Variants in CSMD1 observed in about 807,000 individuals in gnomAD.
The protein encoded by CSMD1 is CUB and Sushi multiple domains 1, also known as CUB and sushi domain-containing protein 1.
CSMD1 carries 213 observed loss-of-function variants against 417.5 expected under a neutral mutation model. The observed-to-expected ratio is 0.51, with a 90% CI of 0.46 to 0.57. The LOEUF is 0.57. Ranked by LOEUF, CSMD1 falls within the 20% of genes least tolerant of loss-of-function variation. The pLI, the probability that CSMD1 is intolerant of heterozygous loss-of-function variation, is 0.00. For missense variants in CSMD1, 6,923 were observed against 4,529.7 expected, an observed-to-expected ratio of 1.53 and a Z score of -15.17; for synonymous variants, 2,862 against 1,736.8, an observed-to-expected ratio of 1.65 and a Z score of -16.11.
At chr8:3,770,436 G>C (rs1018627242) in intron 5 of CSMD1, among the ~76,000 whole-genome samples, 3 of 152,158 alleles carry the variant, frequency 2.0e-5, no homozygotes, top group Non-Finnish European at 4.4e-5. Context: ...GGCTGAGGCA[G>C]AAGATTCTCT....
intron 1 of CSMD1, among the ~76,000 whole-genome samples, chr8:4,733,531 G>A (rs1182273979): frequency 6.6e-6 from 1 of 152,206 alleles, no homozygotes; most frequent in Non-Finnish European, 1.5e-5. Context: ...AAGGAAGATA[G>A]ATAGTGCATT....
At chr8:4,470,672 G>A (rs1800477503) in intron 2 of CSMD1, among the ~76,000 whole-genome samples, 2 of 152,146 alleles carry the variant, frequency 1.3e-5, no homozygotes, top group Non-Finnish European at 2.9e-5. Flanking sequence ...GGCCATTAGT[G>A]CTTTTTGAAA....
At chr8:4,206,039 C>A (rs1799958348) in intron 3 of CSMD1, among the ~76,000 whole-genome samples, 1 of 152,036 alleles carries the variant, frequency 6.6e-6, no homozygotes, top group Non-Finnish European at 1.5e-5. Flanking sequence ...CCCATCCATG[C>A]CATAAATCTT....
chr8:3,722,127 G>C (rs1802214364), intron 6 of CSMD1, among the ~76,000 whole-genome samples: 1 of 152,110 alleles, frequency 6.6e-6, no homozygotes. Flanking sequence ...TGGATCACTT[G>C]AGGTCAGGAA....
chr8:3,225,494 C>T (rs1219648755), intron 27 of CSMD1, among the ~76,000 whole-genome samples: 1 of 151,694 alleles, frequency 6.6e-6, no homozygotes, highest in African/African-American at 2.4e-5. Flanking sequence ...CTGACAGCAT[C>T]GAGCAGTACA....
intron 2 of CSMD1, among the ~76,000 whole-genome samples, chr8:4,613,914 A>T (rs1160318960): frequency 6.6e-6 from 1 of 151,248 alleles, no homozygotes; most frequent in Admixed American, 6.6e-5. Flanking sequence ...CTGTACTTGA[A>T]ATTTAGTAGA....
At chr8:4,763,153 A>T (rs1399851054) in intron 1 of CSMD1, among the ~76,000 whole-genome samples, 4 of 152,222 alleles carry the variant, frequency 2.6e-5, no homozygotes, top group African/African-American at 9.6e-5. Flanking sequence ...AGGAAATAAA[A>T]ACTGTCAACG....
At chr8:3,135,182 C>T (rs952049254) in intron 41 of CSMD1, among the ~76,000 whole-genome samples, 3 of 152,200 alleles carry the variant, frequency 2.0e-5, no homozygotes, top group Non-Finnish European at 4.4e-5. Context: ...TCCCAAAGTG[C>T]TGCAATTTAT....
At chr8:4,477,214 G>C (rs1032171025) in intron 2 of CSMD1, among the ~76,000 whole-genome samples, 5 of 152,110 alleles carry the variant, frequency 3.3e-5, no homozygotes, top group African/African-American at 1.2e-4. Context: ...GCCCAGGTGA[G>C]AGGGCTCCCA....
Position 3,097,532 on chromosome 8 carries a change from G to A in CSMD1, c.6950-495C>T, listed in dbSNP as rs114216549. Among the ~76,000 whole-genome samples the A allele has an allele frequency of 4.5e-3, 678 of 152,258 alleles. 2 individuals are homozygous for A. Among genetic ancestry groups the A allele is most frequent in the African/African-American group, 0.015 (641 of 41,540 alleles). On this transcript the variant is annotated intron_variant, in intron 46 of 69. Transcript: ENST00000635120. Reference sequence around the variant, plus strand: ...TGCTGCAGATGGTCCAGAATCCTACGTCGTTTCTGGTGCAATCACATCATA... The same window carrying A: ...TGCTGCAGATGGTCCAGAATCCTACATCGTTTCTGGTGCAATCACATCATA...
chr8:3,587,111 G>T (rs751108391), intron 8 of CSMD1, among the ~76,000 whole-genome samples: 3 of 152,184 alleles, frequency 2.0e-5, no homozygotes, highest in Non-Finnish European at 4.4e-5. Context: ...TGTTTTAGAA[G>T]AAAGCAATCC....
Position 3,205,532 on chromosome 8 carries a change from G to T in CSMD1, c.4956C>A (p.Leu1652=). 6.3e-7 allele frequency: 1 copy of T among 1,590,430 alleles called. No individual in the cohort carries two copies. ...ATTCCTTTGGTACCGTGATGGAATA[G>T]AGGCATATTTGACCAGCTGTGTAAT... ...PHNYTAGQIC[L]YSITVPKEFV... Residue 1652 remains leucine, a synonymous_variant, in exon 31 of 70, where the codon CTC becomes CTA. Coordinates refer to ENST00000635120, the MANE Select transcript of CSMD1 (RefSeq NM_033225.6).
intron 9 of CSMD1, among the ~76,000 whole-genome samples, chr8:3,577,855 C>G (rs952375193): frequency 2.6e-5 from 4 of 152,164 alleles, no homozygotes; most frequent in Non-Finnish European, 4.4e-5. Context: ...GGGTTTTCTA[C>G]TAGTCAGAAT....
intron 3 of CSMD1, among the ~76,000 whole-genome samples, chr8:4,106,992 T>C (rs920716020): frequency 1.3e-5 from 2 of 152,142 alleles, no homozygotes; most frequent in Non-Finnish European, 2.9e-5. Context: ...AGATGGGCCT[T>C]AGACAACACT....
chr8:4,834,090 T>C (rs187143529), intron 1 of CSMD1, among the ~76,000 whole-genome samples: 29 of 152,338 alleles, frequency 1.9e-4, no homozygotes, highest in Non-Finnish European at 3.4e-4. Context: ...CTAGAGATAT[T>C]CAAATGAATT....
At chr8:3,284,658 C>G (rs116225160) in intron 25 of CSMD1, 3 of 304,156 alleles carry the variant, frequency 9.9e-6, no homozygotes, top group Non-Finnish European at 1.9e-5. Flanking sequence ...ATAATTTAAG[C>G]TTTCTACGGC....
chr8:3,522,174 C>G (rs889973250), intron 10 of CSMD1, among the ~76,000 whole-genome samples: 1 of 152,118 alleles, frequency 6.6e-6, no homozygotes, highest in Non-Finnish European at 1.5e-5. Flanking sequence ...AAGTGTTCAG[C>G]AATGTGAAAA....
chr8:3,014,081 T>G (rs1438772231), intron 52 of CSMD1, among the ~76,000 whole-genome samples: 1 of 152,156 alleles, frequency 6.6e-6, no homozygotes, highest in Non-Finnish European at 1.5e-5. Context: ...TTACATTAAT[T>G]TCTATTATAT....
chr8:3,873,420 G>A (rs1157005689), intron 5 of CSMD1, among the ~76,000 whole-genome samples: 3 of 152,074 alleles, frequency 2.0e-5, no homozygotes, highest in African/African-American at 7.2e-5. Flanking sequence ...GGATGGAACT[G>A]GAGGCCATTA....
Sources: gnomAD v4.1 joint callset for allele counts (sites outside exome capture counted in the v4.1 genomes callset) on GRCh38, gnomAD v4.1.1 for gene constraint, MANE v1.5 for transcripts, NCBI Gene and HGNC (gene_info 2026-07-23, HGNC 2026-07-21) for gene names.